The following CLNS1A variants were observed in gnomAD, a reference collection of about 807,000 sequenced individuals.
The protein encoded by CLNS1A is methylosome subunit pICln.
Under a neutral mutation model 29.4 loss-of-function variants are expected in CLNS1A, and 16 were observed. That is an observed-to-expected ratio of 0.54 (90% CI 0.37 to 0.83). The LOEUF (loss-of-function observed/expected upper bound fraction) is 0.83, where lower values mean the gene tolerates loss of function less well. CLNS1A is among the 40% of genes least tolerant of loss of function. The probability of loss-of-function intolerance (pLI) is 0.00; values close to 1 mark genes in which losing one functional copy is unlikely to be tolerated. For missense variants in CLNS1A, 235 were observed against 287.4 expected, an observed-to-expected ratio of 0.82 and a Z score of 1.32; for synonymous variants, 96 against 104.8, an observed-to-expected ratio of 0.92 and a Z score of 0.51.
At position 77,624,993 on chromosome 11, in the gene CLNS1A, C is replaced by G. The variant is rs144382400; in HGVS notation, c.442G>C (p.Asp148His). The part of the protein sequence containing the change: ...DPEDEDSDDY[D>H]GEEYDVEAHE... ...GCTTCCACATCATATTCTTCTCCAT[C>G]GTAGTCATCTGAATCCTCATCCTCA... The change falls in exon 4 of 7, where the codon GAT becomes CAT. Residue 148 changes from aspartate (D) to histidine (H), a missense_variant. Physicochemically the swap from Asp to His is moderately conservative, Grantham distance 81. Transcript: ENST00000525428. 1.2e-6 allele frequency: 2 copies of G among 1,613,424 alleles called. No homozygotes were observed. Among genetic ancestry groups the G allele is most frequent in the Non-Finnish European group, 1.7e-6 (2 of 1,179,456 alleles).
Position 77,625,077 on chromosome 11 carries a change from A to C in CLNS1A, c.365-7T>G. On this transcript the variant is annotated splice_region_variant and splice_polypyrimidine_tract_variant and intron_variant, in intron 3 of 6. Transcript: ENST00000525428. The stretch of plus-strand genomic sequence containing the variant: ...GCAGTGAACATTGCCTCCACTGAAC[A>C]AGGAAATTAAACTGTAACCAATCTT... The C allele has an allele frequency of 6.3e-7, 1 of 1,589,670 alleles. No homozygotes were observed. The highest frequency in any genetic ancestry group is 8.6e-7 in the Non-Finnish European group (1 of 1,162,946).
chr11:77,622,194 T>C (rs891853070), intron 5 of CLNS1A: 1 of 403,330 alleles, frequency 2.5e-6, no homozygotes, highest in Non-Finnish European at 4.8e-6. Flanking sequence ...AATACACAGA[T>C]GCAACAGTAA....
Position 77,633,735 on chromosome 11 carries a change from A to G in CLNS1A, c.126-3836T>C, listed in dbSNP as rs140928250. 4.7e-3 allele frequency among the ~76,000 whole-genome samples: 716 copies of G among 152,286 alleles called. 3 individuals carry two copies. Among genetic ancestry groups the G allele is most frequent in the African/African-American group, 0.017 (692 of 41,562 alleles). On this transcript the variant is annotated intron_variant, in intron 1 of 6. Coordinates refer to ENST00000525428, the MANE Select transcript of CLNS1A (RefSeq NM_001293.3). ...TAAATTACCTAATTTTAATTTGATT[A>G]CCTATTTTACCTGTTTTAAACTGTC...
intron 4 of CLNS1A, 25 bp downstream of exon 4, chr11:77,624,938 C>T: frequency 1.3e-6 from 2 of 1,494,982 alleles, no homozygotes; most frequent in Non-Finnish European, 1.9e-6. Context: ...AACAAAAAAC[C>T]CACTTTAAAA....
At position 77,615,214 on chromosome 11, in the gene CLNS1A, A is replaced by C. The variant is rs1000436919; in HGVS notation, c.*1504T>G. 4 of 152,220 alleles carry C rather than the reference A, an allele frequency of 2.6e-5. No homozygotes were observed. The highest frequency in any genetic ancestry group is 9.7e-5 in the African/African-American group (4 of 41,446). 9.4% of individuals were successfully genotyped at this position (152,220 alleles called of 1,614,324 possible). A position where few individuals can be genotyped will look rare whatever the true frequency, so the allele number is the denominator to read the frequency against. ...TTAGCCTGTGAGAATGTCCTGACTGATTACTGAAGAATGGACAAACTTCTA... is the reference window on the plus strand; with the variant it reads ...TTAGCCTGTGAGAATGTCCTGACTGCTTACTGAAGAATGGACAAACTTCTA... On this transcript the variant is annotated 3_prime_UTR_variant, in exon 7 of 7. Transcript: ENST00000525428.
chr11:77,620,613 ACATGGCAAAACCC>A (rs1288113256), intron 5 of CLNS1A, among the ~76,000 whole-genome samples: 1 of 152,058 alleles, frequency 6.6e-6, no homozygotes, highest in African/African-American at 2.4e-5. Context: ...AGCCTGGCCA[ACATGGCAAAACCC>A]CATGGCGAAA....
intron 2 of CLNS1A, among the ~76,000 whole-genome samples, chr11:77,627,798 A>G (rs773869068): frequency 2.0e-5 from 3 of 152,158 alleles, no homozygotes; most frequent in Non-Finnish European, 2.9e-5. Context: ...AATGCAAATG[A>G]CTTGCCTAGC....
intron 6 of CLNS1A, among the ~76,000 whole-genome samples, chr11:77,618,230 C>T (rs1228610836): frequency 2.0e-5 from 3 of 152,028 alleles, no homozygotes; most frequent in Non-Finnish European, 4.4e-5. Context: ...TTTCTAATTG[C>T]AATAAAACAG....
Position 77,637,789 on chromosome 11 carries a change from G to A in CLNS1A, c.-75C>T, listed in dbSNP as rs1959150485. On this transcript the variant is annotated 5_prime_UTR_variant, in exon 1 of 7. Coordinates refer to ENST00000525428, the MANE Select transcript of CLNS1A (RefSeq NM_001293.3). Reference sequence around the variant, plus strand: ...TGCGTGCACCACACCGCCCGCCCTGGAAGAGGCAGTCACCCCGGAAGAACA... The same window carrying A: ...TGCGTGCACCACACCGCCCGCCCTGAAAGAGGCAGTCACCCCGGAAGAACA... The A allele has an allele frequency of 2.1e-6, 3 of 1,458,398 alleles. No individual in the cohort carries two copies. Among genetic ancestry groups the A allele is most frequent in the African/African-American group, 1.4e-5 (1 of 70,738 alleles). 90.3% of individuals were successfully genotyped at this position (1,458,398 alleles called of 1,614,324 possible).
chr11:77,622,374 G>T, intron 5 of CLNS1A, 126 bp downstream of exon 5: 1 of 659,818 alleles, frequency 1.5e-6, no homozygotes, highest in Non-Finnish European at 2.5e-6. Context: ...ATGTAATTCT[G>T]TATCTGCTTC....
At chr11:77,617,621 A>C (rs374296138) in intron 6 of CLNS1A, among the ~76,000 whole-genome samples, 12 of 151,872 alleles carry the variant, frequency 7.9e-5, no homozygotes, top group Non-Finnish European at 1.8e-4. Flanking sequence ...CATTATACAT[A>C]ATGTTTATAC....
At chr11:77,631,882 C>T (rs372170605) in intron 1 of CLNS1A, among the ~76,000 whole-genome samples, 7 of 152,068 alleles carry the variant, frequency 4.6e-5, no homozygotes, top group East Asian at 1.9e-4. Context: ...GGATTACAAG[C>T]GTGTGACACC....
chr11:77,633,104 AAG>A (rs1311668349), intron 1 of CLNS1A, among the ~76,000 whole-genome samples: 2 of 151,748 alleles, frequency 1.3e-5, no homozygotes, highest in African/African-American at 4.8e-5. Flanking sequence ...AAAAAAAAAA[AAG>A]AGATTTGACA....
rs1959011383 is a variant in CLNS1A at position 77,625,756 on chromosome 11, T to C, written c.325A>G (p.Ile109Val). 1.2e-6 allele frequency: 2 copies of C among 1,612,518 alleles called. No homozygotes were observed. The highest frequency in any genetic ancestry group is 8.5e-7 in the Non-Finnish European group (1 of 1,178,884). The change falls in exon 3 of 7, where the codon ATT (isoleucine) becomes GTT (valine). Residue 109 changes from isoleucine to valine, a missense_variant. Transcript: ENST00000525428. ...CTAGGCACAAATCTAAATTCAGTAA[T>C]AGGTTCAACATCATCATCACTGTCT... ...EEDSDDDVEP[I>V]TEFRFVPSDK...
rs766248486 is a variant in CLNS1A at position 77,629,752 on chromosome 11, A to C, written c.262+11T>G. 6.2e-7 allele frequency: 1 copy of C among 1,610,304 alleles called. No homozygotes were observed. The highest frequency in any genetic ancestry group is 8.5e-7 in the Non-Finnish European group (1 of 1,178,994). ...CAAAGGAGGCATTAGATTAAATTACACCATACATACCTTCAAATTTGGCAT... is the reference window on the plus strand; with the variant it reads ...CAAAGGAGGCATTAGATTAAATTACCCCATACATACCTTCAAATTTGGCAT... On this transcript the variant is annotated intron_variant, in intron 2 of 6. Coordinates refer to ENST00000525428, the MANE Select transcript of CLNS1A (RefSeq NM_001293.3).
chr11:77,636,146 C>T (rs1020100215), intron 1 of CLNS1A, among the ~76,000 whole-genome samples: 23 of 152,136 alleles, frequency 1.5e-4, no homozygotes, highest in African/African-American at 5.6e-4. Context: ...TCACGGCTCA[C>T]CGCAGCCTCG....
At chr11:77,617,849 C>G (rs1419137702) in intron 6 of CLNS1A, among the ~76,000 whole-genome samples, 60 of 150,174 alleles carry the variant, frequency 4.0e-4, no homozygotes, top group Non-Finnish European at 2.2e-4. Flanking sequence ...ACCCAGGAGA[C>G]AGAGGTTGCA....
intron 1 of CLNS1A, among the ~76,000 whole-genome samples, chr11:77,636,467 T>A (rs1488819011): frequency 2.6e-5 from 4 of 152,184 alleles, no homozygotes; most frequent in African/African-American, 9.6e-5. Context: ...ATATGTCCTA[T>A]CTCAGTTTCT....
intron 5 of CLNS1A, among the ~76,000 whole-genome samples, chr11:77,620,248 C>T (rs967556451): frequency 1.3e-5 from 2 of 152,032 alleles, no homozygotes; most frequent in Admixed American, 6.6e-5. Flanking sequence ...AGGTCTTTCC[C>T]GTGCTGTTCT....
Sources: gnomAD v4.1 joint callset for allele counts (sites outside exome capture counted in the v4.1 genomes callset) on GRCh38, gnomAD v4.1.1 for gene constraint, MANE v1.5 for transcripts, NCBI Gene and HGNC (gene_info 2026-07-23, HGNC 2026-07-21) for gene names.